Variants in DCC observed in about 807,000 individuals in gnomAD.
DCC encodes the protein DCC netrin 1 receptor, also known as netrin receptor DCC.
A neutral mutation model predicts 172.5 loss-of-function variants in DCC; 58 were observed. The observed-to-expected ratio is 0.34, with a 90% CI of 0.27 to 0.42. The LOEUF is 0.42. Ranked by LOEUF, DCC falls within the 10% of genes least tolerant of loss-of-function variation. The probability of loss-of-function intolerance (pLI) is 1.00; values close to 1 mark genes in which losing one functional copy is unlikely to be tolerated. For missense variants in DCC, 1,740 were observed against 1,791.0 expected (o/e 0.97, Z 0.51); for synonymous variants, 709 against 644.5 (o/e 1.10, Z -1.52).
intron 1 of DCC, among the ~76,000 whole-genome samples, chr18:52,606,698 T>G (rs1456188288): frequency 6.6e-6 from 1 of 152,170 alleles, no homozygotes; most frequent in Non-Finnish European, 1.5e-5. Context: ...TATCAATCAT[T>G]AAGGAGATTT....
At chr18:52,994,036 A>G (rs2041439247) in intron 5 of DCC, among the ~76,000 whole-genome samples, 2 of 152,156 alleles carry the variant, frequency 1.3e-5, no homozygotes, top group Non-Finnish European at 2.9e-5. Context: ...TATCCAGCTC[A>G]GTTATGTTAA....
At chr18:53,029,821 T>C (rs1251266839) in intron 5 of DCC, among the ~76,000 whole-genome samples, 1 of 152,128 alleles carries the variant, frequency 6.6e-6, no homozygotes, top group Non-Finnish European at 1.5e-5. Context: ...CTTAGATCAG[T>C]CCTCATCATC....
chr18:52,830,010 T>C (rs2038585120), intron 2 of DCC, among the ~76,000 whole-genome samples: 2 of 151,992 alleles, frequency 1.3e-5, no homozygotes, highest in East Asian at 3.9e-4. Context: ...CTTAAAGATT[T>C]CTGGAGGGAT....
chr18:53,136,059 T>TTA (rs2043735722), intron 7 of DCC, among the ~76,000 whole-genome samples: 2 of 152,108 alleles, frequency 1.3e-5, no homozygotes, highest in African/African-American at 4.8e-5. Flanking sequence ...ATTGATTTTT[T>TTA]CCCTACAAAC....
At chr18:52,373,054 G>A (rs1025532221) in intron 1 of DCC, among the ~76,000 whole-genome samples, 1 of 152,108 alleles carries the variant, frequency 6.6e-6, no homozygotes, top group South Asian at 2.1e-4. Flanking sequence ...CAGCTCTCAG[G>A]CAGTGAAGGT....
chr18:52,984,999 A>G (rs2041269247), intron 5 of DCC, among the ~76,000 whole-genome samples: 1 of 152,164 alleles, frequency 6.6e-6, no homozygotes, highest in South Asian at 2.1e-4. Flanking sequence ...TTTCTTAATC[A>G]CTTAATCACC....
In DCC at chr18:53,063,354, C is replaced by T. The variant is rs2042522680; in HGVS notation, c.1035C>T (p.Ser345=). Reference sequence around the variant, plus strand: ...CTTCCAACCTGTATGCCTATGAAAGCATGGATATTGAGTTTGAATGTACAG... The same window carrying T: ...CTTCCAACCTGTATGCCTATGAAAGTATGGATATTGAGTTTGAATGTACAG... ...NHPSNLYAYE[S]MDIEFECTVS... is the part of the protein sequence containing the mutation. Residue 345 remains serine, a synonymous_variant, in exon 6 of 29, where the codon AGC becomes AGT. Coordinates refer to ENST00000442544, the MANE Select transcript of DCC (RefSeq NM_005215.4). 9 of 1,612,906 alleles carry T rather than the reference C, an allele frequency of 5.6e-6. No individual in the cohort carries two copies. The highest frequency in any genetic ancestry group is 2.7e-5 in the African/African-American group (2 of 74,796).
intron 2 of DCC, among the ~76,000 whole-genome samples, chr18:52,903,632 T>C (rs762251048): frequency 2.6e-5 from 4 of 152,228 alleles, no homozygotes; most frequent in Non-Finnish European, 2.9e-5. Context: ...ATTAAATACA[T>C]AACTTGTGTA....
intron 2 of DCC, among the ~76,000 whole-genome samples, chr18:52,890,054 A>C (rs1236676214): frequency 3.3e-5 from 5 of 152,182 alleles, no homozygotes; most frequent in Non-Finnish European, 5.9e-5. Context: ...TGTACCAATA[A>C]ATAGCTGCTG....
At position 53,390,743 on chromosome 18, in the gene DCC, A is replaced by G. The variant is rs936344524; in HGVS notation, c.2456-912A>G. On this transcript the variant is annotated intron_variant, in intron 16 of 28. Coordinates refer to ENST00000442544, the MANE Select transcript of DCC (RefSeq NM_005215.4). ...AGAATTTTGTAAAAACACACACATCATTTTGCAGATTCCCATTATATTATG... is the reference window on the plus strand; with the variant it reads ...AGAATTTTGTAAAAACACACACATCGTTTTGCAGATTCCCATTATATTATG... 4.6e-5 allele frequency among the ~76,000 whole-genome samples: 7 copies of G among 152,296 alleles called. No homozygotes were observed. In the South Asian group the frequency reaches 1.0e-3, roughly 23 times the overall value.
At chr18:53,467,572 C>G (rs766640837) in intron 24 of DCC, among the ~76,000 whole-genome samples, 1 of 152,028 alleles carries the variant, frequency 6.6e-6, no homozygotes, top group Non-Finnish European at 1.5e-5. Flanking sequence ...CCTTTTATAG[C>G]AGGTTACAAA....
intron 26 of DCC, among the ~76,000 whole-genome samples, chr18:53,497,686 T>TA (rs1270583232): frequency 6.6e-6 from 1 of 152,228 alleles, no homozygotes; most frequent in Non-Finnish European, 1.5e-5. Context: ...TTTACAGTCT[T>TA]AAAAGAAATT....
chr18:52,444,709 C>T (rs1339465171), intron 1 of DCC, among the ~76,000 whole-genome samples: 2 of 152,090 alleles, frequency 1.3e-5, no homozygotes, highest in Middle Eastern at 3.2e-3. Flanking sequence ...GTTTAGAAAT[C>T]TAATTTTTTT....
At chr18:52,775,332 G>A (rs1359044106) in intron 2 of DCC, among the ~76,000 whole-genome samples, 2 of 152,168 alleles carry the variant, frequency 1.3e-5, no homozygotes, top group African/African-American at 2.4e-5. Flanking sequence ...GGGCGTGTGT[G>A]ATACAGGGTG....
chr18:52,660,176 G>C (rs972529237), intron 1 of DCC, among the ~76,000 whole-genome samples: 1 of 152,114 alleles, frequency 6.6e-6, no homozygotes, highest in African/African-American at 2.4e-5. Context: ...GTGATTAAAA[G>C]GAGAGGTGAA....
intron 1 of DCC, among the ~76,000 whole-genome samples, chr18:52,703,312 G>T (rs913680453): frequency 3.9e-5 from 6 of 152,030 alleles, no homozygotes; most frequent in South Asian, 2.1e-4. Flanking sequence ...GACGGAAAAG[G>T]CTCCTTCTTC....
At chr18:52,350,515 G>A (rs895796118) in intron 1 of DCC, among the ~76,000 whole-genome samples, 18 of 152,060 alleles carry the variant, frequency 1.2e-4, no homozygotes, top group African/African-American at 2.7e-4. Flanking sequence ...ATCATACACC[G>A]GGGCCTACTG....
At chr18:53,311,345 A>T (rs1191927258) in intron 13 of DCC, among the ~76,000 whole-genome samples, 3 of 151,614 alleles carry the variant, frequency 2.0e-5, no homozygotes, top group African/African-American at 4.8e-5. Flanking sequence ...CTGGTCTCGA[A>T]CTCCTGACCT....
At chr18:52,425,021 A>G (rs1428246490) in intron 1 of DCC, among the ~76,000 whole-genome samples, 1 of 152,062 alleles carries the variant, frequency 6.6e-6, no homozygotes, top group African/African-American at 2.4e-5. Flanking sequence ...GCTTTAGGGT[A>G]TACATTGCCT....
Sources: gnomAD v4.1 joint callset for allele counts (sites outside exome capture counted in the v4.1 genomes callset) on GRCh38, gnomAD v4.1.1 for gene constraint, MANE v1.5 for transcripts, NCBI Gene and HGNC (gene_info 2026-07-23, HGNC 2026-07-21) for gene names.